The following TOX variants were observed in gnomAD, a reference collection of about 807,000 sequenced individuals.
The protein encoded by TOX is thymocyte selection associated high mobility group box.
Under a neutral mutation model 53.7 loss-of-function variants are expected in TOX, and 11 were observed. That is an observed-to-expected ratio of 0.20 (90% confidence interval 0.13 to 0.34). The LOEUF is 0.34. TOX is among the 10% of genes least tolerant of loss of function. The probability of loss-of-function intolerance (pLI) is 1.00; values close to 1 mark genes in which losing one functional copy is unlikely to be tolerated. For synonymous variants in TOX, 225 were observed against 245.3 expected (o/e 0.92, Z 0.77); for missense variants, 570 against 664.6 (o/e 0.86, Z 1.56).
At chr8:58,855,947 T>C (rs749360057) in intron 3 of TOX, among the ~76,000 whole-genome samples, 26 of 152,210 alleles carry the variant, frequency 1.7e-4, no homozygotes, top group Non-Finnish European at 3.4e-4. Context: ...CTTTGCTCAG[T>C]GATTTGTGGT....
chr8:58,981,025 G>A (rs1432515463), intron 1 of TOX, among the ~76,000 whole-genome samples: 1 of 152,078 alleles, frequency 6.6e-6, no homozygotes, highest in African/African-American at 2.4e-5. Context: ...TGCCTTTCCT[G>A]ATTTTTATAT....
At chr8:58,905,674 G>A (rs1230145939) in intron 3 of TOX, among the ~76,000 whole-genome samples, 1 of 152,168 alleles carries the variant, frequency 6.6e-6, no homozygotes, top group African/African-American at 2.4e-5. Flanking sequence ...CTTTGTATGG[G>A]GATAGATTTT....
intron 3 of TOX, among the ~76,000 whole-genome samples, chr8:58,876,909 A>G (rs1193733987): frequency 2.6e-5 from 4 of 152,344 alleles, no homozygotes; most frequent in Non-Finnish European, 4.4e-5. Context: ...CATTCTGAGA[A>G]TGTTCTGAAT....
chr8:59,069,825 C>T (rs190842311), intron 1 of TOX, among the ~76,000 whole-genome samples: 61 of 152,240 alleles, frequency 4.0e-4, no homozygotes, highest in Admixed American at 1.4e-3. Flanking sequence ...GGAGAGGCTT[C>T]AAAAAGGAAA....
intron 6 of TOX, among the ~76,000 whole-genome samples, chr8:58,817,055 C>T (rs1425806816): frequency 2.0e-5 from 3 of 152,138 alleles, no homozygotes; most frequent in Non-Finnish European, 4.4e-5. Context: ...ATCAGCCCCA[C>T]GTTCTGTCAT....
At chr8:59,039,574 G>C (rs768613609) in intron 1 of TOX, among the ~76,000 whole-genome samples, 10 of 152,022 alleles carry the variant, frequency 6.6e-5, no homozygotes, top group Non-Finnish European at 1.2e-4. Context: ...TCCCTCCTCT[G>C]TTCATCTCTT....
At chr8:59,088,950 G>C (rs1804559864) in intron 1 of TOX, among the ~76,000 whole-genome samples, 2 of 152,100 alleles carry the variant, frequency 1.3e-5, no homozygotes, top group South Asian at 4.1e-4. Flanking sequence ...TTAATGATTA[G>C]TGAAATGTAA....
chr8:59,009,664 G>A (rs1023980342), intron 1 of TOX, among the ~76,000 whole-genome samples: 1 of 152,056 alleles, frequency 6.6e-6, no homozygotes, highest in African/African-American at 2.4e-5. Context: ...GAGCCACCAC[G>A]CCCGGCCATC....
intron 1 of TOX, among the ~76,000 whole-genome samples, chr8:59,110,793 C>G (rs967735172): frequency 5.9e-5 from 9 of 151,938 alleles, no homozygotes; most frequent in African/African-American, 2.2e-4. Flanking sequence ...TACAGAGACC[C>G]CATTTTCCCA....
chr8:59,104,865 T>C lies in TOX; in HGVS notation c.102+14021A>G, dbSNP rs560999587. 3.9e-4 allele frequency among the ~76,000 whole-genome samples: 60 copies of C among 152,328 alleles called. No homozygotes were observed. The Middle Eastern group carries it at 0.014, about 35-fold the overall frequency. ...CCAACTTCAACTTTTCCTTTTATACTGCCAGCACTTTGACCACAGACTTCA... is the reference window on the plus strand; with the variant it reads ...CCAACTTCAACTTTTCCTTTTATACCGCCAGCACTTTGACCACAGACTTCA... On this transcript the variant is annotated intron_variant, in intron 1 of 8. Transcript: ENST00000361421.
At position 59,102,068 on chromosome 8, in the gene TOX, C is replaced by T. The variant is rs199558709; in HGVS notation, c.102+16818G>A. ...GCTGCTGATAAAGACACACCCAAGACTGAGCAAATTTGCAAAAGAAAGAGG... is the reference window on the plus strand; with the variant it reads ...GCTGCTGATAAAGACACACCCAAGATTGAGCAAATTTGCAAAAGAAAGAGG... On this transcript the variant is annotated intron_variant, in intron 1 of 8. Transcript: ENST00000361421. Among the ~76,000 whole-genome samples the T allele has an allele frequency of 5.3e-5, 8 of 152,302 alleles. No homozygotes were observed. The East Asian group carries it at 1.2e-3, about 22-fold the overall frequency.
chr8:59,097,663 C>T (rs529296495), intron 1 of TOX, among the ~76,000 whole-genome samples: 2 of 152,298 alleles, frequency 1.3e-5, no homozygotes, highest in Admixed American at 1.3e-4. Context: ...ACAGTTAACA[C>T]TCAAGTGATT....
At chr8:59,056,596 G>C (rs1563432246) in intron 1 of TOX, among the ~76,000 whole-genome samples, 1 of 152,138 alleles carries the variant, frequency 6.6e-6, no homozygotes, top group Non-Finnish European at 1.5e-5. Context: ...AAGGATTAAA[G>C]GATTGAATCT....
At position 58,977,825 on chromosome 8, in the gene TOX, C is replaced by A. The variant is rs114539217; in HGVS notation, c.103-17817G>T. On this transcript the variant is annotated intron_variant, in intron 1 of 8. Transcript: ENST00000361421. ...TCTTATATAGGTGCAGTTCATGACA[C>A]CCCAAAACAATTACACTAATAACAT... Among the ~76,000 whole-genome samples the A allele has an allele frequency of 6.4e-3, 967 of 152,112 alleles. 5 individuals are homozygous for A. The highest frequency in any genetic ancestry group is 0.017 in the African/African-American group (713 of 41,484).
At chr8:58,915,438 G>A (rs1312480979) in intron 3 of TOX, among the ~76,000 whole-genome samples, 4 of 102,986 alleles carry the variant, frequency 3.9e-5, no homozygotes, top group South Asian at 8.4e-4. Flanking sequence ...CCCAGCAGGG[G>A]CACACTGACA....
intron 5 of TOX, among the ~76,000 whole-genome samples, chr8:58,832,489 C>A (rs993196032): frequency 6.6e-5 from 10 of 151,876 alleles, no homozygotes; most frequent in Non-Finnish European, 1.3e-4. Context: ...CATAAAAATC[C>A]AAATTTTATC....
At chr8:59,073,048 G>A (rs1299173578) in intron 1 of TOX, among the ~76,000 whole-genome samples, 1 of 152,100 alleles carries the variant, frequency 6.6e-6, no homozygotes, top group Admixed American at 6.5e-5. Flanking sequence ...TCTCCTGAAT[G>A]ATTGAAAAAT....
chr8:58,975,628 C>T (rs6996740), intron 1 of TOX, among the ~76,000 whole-genome samples: 110,247 of 152,084 alleles, frequency 0.72, 40,605 homozygotes, highest in South Asian at 0.83. Flanking sequence ...AATTAAAACA[C>T]ATTTTATTGC....
intron 1 of TOX, among the ~76,000 whole-genome samples, chr8:59,032,080 A>G (rs1814367098): frequency 6.6e-6 from 1 of 152,230 alleles, no homozygotes; most frequent in South Asian, 2.1e-4. Flanking sequence ...CTCTAAAGCA[A>G]TCCATACGAG....
Sources: gnomAD v4.1 joint callset for allele counts (sites outside exome capture counted in the v4.1 genomes callset) on GRCh38, gnomAD v4.1.1 for gene constraint, MANE v1.5 for transcripts, NCBI Gene and HGNC (gene_info 2026-07-23, HGNC 2026-07-21) for gene names.